Variants in ATF7IP2 observed in about 807,000 individuals in gnomAD.
The protein encoded by ATF7IP2 is activating transcription factor 7-interacting protein 2.
ATF7IP2 carries 42 observed loss-of-function variants against 64.2 expected under a neutral mutation model. The observed-to-expected ratio is 0.65, with a 90% CI of 0.51 to 0.85. The LOEUF (loss-of-function observed/expected upper bound fraction) is 0.85, where lower values mean the gene tolerates loss of function less well. ATF7IP2 is among the 40% of genes least tolerant of loss of function. ATF7IP2 has a pLI of 0.00. For missense variants in ATF7IP2, 933 were observed against 784.2 expected (o/e 1.19, Z -2.27); for synonymous variants, 308 against 272.8 (o/e 1.13, Z -1.27).
rs535060689 is a variant in ATF7IP2 at position 10,437,717 on chromosome 16, T to G, written c.961-384T>G. Reference sequence around the variant, plus strand: ...CCAACCATTTTCATCAGGTGCTGGTTTTCAGATAAGTAGAGTTCCTTTATA... The same window carrying G: ...CCAACCATTTTCATCAGGTGCTGGTGTTCAGATAAGTAGAGTTCCTTTATA... On this transcript the variant is annotated intron_variant, in intron 6 of 13. Coordinates refer to ENST00000562102, the MANE Select transcript of ATF7IP2 (RefSeq NM_001393719.1). Among the ~76,000 whole-genome samples, 80 of 152,312 alleles carry G rather than the reference T, an allele frequency of 5.3e-4. 1 individual carries two copies. The South Asian group carries it at 0.016, about 30-fold the overall frequency.
intron 3 of ATF7IP2, among the ~76,000 whole-genome samples, chr16:10,426,260 G>A (rs2048083859): frequency 6.6e-6 from 1 of 152,228 alleles, no homozygotes; most frequent in Non-Finnish European, 1.5e-5. Flanking sequence ...ATTGGCTAAA[G>A]AGAGGAGTTC....
At chr16:10,419,997 T>G (rs1236277361) in intron 3 of ATF7IP2, among the ~76,000 whole-genome samples, 1 of 152,240 alleles carries the variant, frequency 6.6e-6, no homozygotes, top group Non-Finnish European at 1.5e-5. Flanking sequence ...AATGCTAGAT[T>G]CAGTTGCATA....
At chr16:10,401,241 C>T (rs1210896080) in intron 1 of ATF7IP2, among the ~76,000 whole-genome samples, 1 of 148,522 alleles carries the variant, frequency 6.7e-6, no homozygotes, top group East Asian at 2.0e-4. Context: ...GATCTCGGCT[C>T]ACTGCAACCT....
chr16:10,414,659 GTGTT>G (rs2047834742), intron 2 of ATF7IP2, 47 bp downstream of exon 2: 1 of 35,104 alleles, frequency 2.8e-5, no homozygotes, highest in African/African-American at 2.7e-4. Context: ...GTGTGTGTGT[GTGTT>G]TGGGCGGGGG....
chr16:10,475,496 C>G (rs1188209249), intron 12 of ATF7IP2, among the ~76,000 whole-genome samples: 1 of 151,958 alleles, frequency 6.6e-6, no homozygotes, highest in African/African-American at 2.4e-5. Flanking sequence ...TCAAGACTAT[C>G]CTGGCTAACA....
At chr16:10,444,009 C>T (rs13335292) in intron 8 of ATF7IP2, among the ~76,000 whole-genome samples, 11,514 of 152,068 alleles carry the variant, frequency 0.076, 912 homozygotes, top group African/African-American at 0.19. Context: ...CCATGCTAGA[C>T]GGTCACAATG....
At chr16:10,445,732 C>T (rs540305404) in intron 8 of ATF7IP2, 2 of 152,388 alleles carry the variant, frequency 1.3e-5, no homozygotes, top group African/African-American at 2.4e-5. Flanking sequence ...GTCTCGAACT[C>T]CCGACCTCAG....
chr16:10,391,457 G>GA (rs768584364), intron 1 of ATF7IP2, among the ~76,000 whole-genome samples: 1 of 152,132 alleles, frequency 6.6e-6, no homozygotes, highest in Non-Finnish European at 1.5e-5. Context: ...AGGAAATTAT[G>GA]AAATGGAACA....
chr16:10,477,205 C>T (rs980877210), intron 12 of ATF7IP2, among the ~76,000 whole-genome samples: 13 of 152,206 alleles, frequency 8.5e-5, no homozygotes, highest in South Asian at 4.1e-4. Context: ...TGACAAAGGT[C>T]TAACACCCAG....
In ATF7IP2 at chr16:10,433,516, C is replaced by G. The variant is rs749512324; in HGVS notation, c.836-9C>G. 6 of 1,601,806 alleles carry G rather than the reference C, an allele frequency of 3.7e-6. No individual in the cohort carries two copies. In the Admixed American group the frequency reaches 8.8e-5, roughly 23 times the overall value. On this transcript the variant is annotated splice_polypyrimidine_tract_variant and intron_variant, in intron 5 of 13. Transcript: ENST00000562102. ...ATATCTTTCTTTCTAATCTTTTGAT[C>G]TCCTCAAGGCCATTATCAAAAGAAG...
chr16:10,422,234 AAGGTAT>A (rs1225436749), intron 3 of ATF7IP2, among the ~76,000 whole-genome samples: 1 of 152,198 alleles, frequency 6.6e-6, no homozygotes, highest in African/African-American at 2.4e-5. Context: ...AACCATTTTA[AAGGTAT>A]AGGTTCTGGA....
At chr16:10,453,692 A>C (rs1376227955) in intron 8 of ATF7IP2, among the ~76,000 whole-genome samples, 1 of 152,176 alleles carries the variant, frequency 6.6e-6, no homozygotes, top group Non-Finnish European at 1.5e-5. Flanking sequence ...ATCTCAGCTC[A>C]TCGCAACCTC....
At position 10,430,596 on chromosome 16, in the gene ATF7IP2, T is replaced by C. The variant is rs2048211785; in HGVS notation, c.-10-15T>C. On this transcript the variant is annotated splice_polypyrimidine_tract_variant and intron_variant, in intron 4 of 13. Coordinates refer to ENST00000562102, the MANE Select transcript of ATF7IP2 (RefSeq NM_001393719.1). ...ACTAGAGAAATGCATTTAAATATGATGTCTTAAATTCCAGGATATGAAAGA... is the reference window on the plus strand; with the variant it reads ...ACTAGAGAAATGCATTTAAATATGACGTCTTAAATTCCAGGATATGAAAGA... 3.4e-6 allele frequency: 5 copies of C among 1,490,080 alleles called. No homozygotes were observed. Among genetic ancestry groups the C allele is most frequent in the Non-Finnish European group, 4.6e-6 (5 of 1,084,204 alleles). 92.3% of individuals were successfully genotyped at this position (1,490,080 alleles called of 1,614,324 possible).
intron 1 of ATF7IP2, among the ~76,000 whole-genome samples, chr16:10,392,233 T>A (rs1039658362): frequency 6.6e-6 from 1 of 151,950 alleles, no homozygotes; most frequent in African/African-American, 2.4e-5. Flanking sequence ...GAAATGGGGT[T>A]TCGCCATGTT....
At chr16:10,463,757 A>G (rs1463889238) in intron 9 of ATF7IP2, among the ~76,000 whole-genome samples, 1 of 152,212 alleles carries the variant, frequency 6.6e-6, no homozygotes, top group East Asian at 1.9e-4. Context: ...TTTTGGGGTA[A>G]ATTATTACAT....
intron 6 of ATF7IP2, among the ~76,000 whole-genome samples, chr16:10,435,058 G>A (rs540690215): frequency 2.6e-5 from 4 of 152,238 alleles, no homozygotes; most frequent in South Asian, 2.1e-4. Context: ...GTGAGCCACC[G>A]CGCCCAGCCA....
intron 8 of ATF7IP2, among the ~76,000 whole-genome samples, chr16:10,455,139 C>T (rs1344641971): frequency 6.6e-6 from 1 of 152,156 alleles, no homozygotes; most frequent in African/African-American, 2.4e-5. Context: ...ATGTCCATGA[C>T]CTAATTCCCA....
chr16:10,459,846 T>C (rs941181769), intron 9 of ATF7IP2, among the ~76,000 whole-genome samples: 1 of 152,116 alleles, frequency 6.6e-6, no homozygotes, highest in African/African-American at 2.4e-5. Flanking sequence ...TGGTAAAACA[T>C]TGGAGGTGTT....
chr16:10,433,588 C>G lies in ATF7IP2; in HGVS notation c.899C>G (p.Ser300Ter). ...GAAAATGTTAAACGCATGAAAACTT[C>G]AGAGCAAATTAATGAAAATATTTGT... is the stretch of plus-strand genomic sequence containing the variant. Reference protein sequence around the residue: ...NEENVKRMKTSEQINENICVS... With the variant: ...NEENVKRMKT Residue 300 changes from serine to a stop codon, truncating the protein, a stop_gained, in exon 6 of 14, where the codon TCA (serine) becomes TGA (stop). Coordinates refer to ENST00000562102, the MANE Select transcript of ATF7IP2 (RefSeq NM_001393719.1). LOFTEE classifies it high-confidence loss of function. 6.2e-7 allele frequency: 1 copy of G among 1,613,382 alleles called. No homozygotes were observed. The highest frequency in any genetic ancestry group is 8.5e-7 in the Non-Finnish European group (1 of 1,179,396).
Sources: allele counts gnomAD v4.1 joint callset (sites outside exome capture counted in the v4.1 genomes callset), GRCh38; gene constraint gnomAD v4.1.1; transcripts MANE v1.5; gene names NCBI Gene and HGNC (gene_info 2026-07-23, HGNC 2026-07-21).